TMEM132D: variants seen among roughly 807,000 people sequenced by gnomAD.
TMEM132D encodes transmembrane protein 132D.
TMEM132D carries 21 observed loss-of-function variants against 62.3 expected under a neutral mutation model. The ratio of observed to expected loss-of-function variants is 0.34; its 90% CI spans 0.24 to 0.49. The LOEUF is 0.49. Among genes scored for constraint, TMEM132D ranks in the 20% least tolerant of loss-of-function variants. The pLI, the probability that TMEM132D is intolerant of heterozygous loss-of-function variation, is 0.99. For synonymous variants in TMEM132D, 621 were observed against 575.6 expected (o/e 1.08, Z -1.13); for missense variants, 1,346 against 1,402.8 (o/e 0.96, Z 0.65).
intron 5 of TMEM132D, among the ~76,000 whole-genome samples, chr12:129,114,992 C>T (rs746318875): frequency 5.0e-4 from 76 of 152,106 alleles, no homozygotes; most frequent in Admixed American, 1.7e-3. Flanking sequence ...CCATCCTGTA[C>T]GTATTTTTTG....
chr12:129,580,941 G>T, intron 2 of TMEM132D, among the ~76,000 whole-genome samples: 1 of 152,036 alleles, frequency 6.6e-6, no homozygotes. Flanking sequence ...TTTCTCAATT[G>T]GCATTACTCT....
intron 2 of TMEM132D, among the ~76,000 whole-genome samples, chr12:129,585,578 C>T (rs1878002742): frequency 6.6e-6 from 1 of 152,188 alleles, no homozygotes; most frequent in Non-Finnish European, 1.5e-5. Context: ...CTCAAATGCA[C>T]AAATGACTGG....
chr12:129,382,317 A>T (rs1413634173), intron 3 of TMEM132D, among the ~76,000 whole-genome samples: 1 of 152,194 alleles, frequency 6.6e-6, no homozygotes, highest in East Asian at 1.9e-4. Context: ...CCGTCCATTA[A>T]GTTGACAAGG....
At chr12:129,275,199 G>A (rs1278099290) in intron 4 of TMEM132D, among the ~76,000 whole-genome samples, 1 of 151,946 alleles carries the variant, frequency 6.6e-6, no homozygotes, top group East Asian at 1.9e-4. Flanking sequence ...AGGATCACTT[G>A]AGCCCAAGAG....
chr12:129,446,638 G>A (rs1296629369), intron 3 of TMEM132D, among the ~76,000 whole-genome samples: 1 of 152,200 alleles, frequency 6.6e-6, no homozygotes, highest in East Asian at 1.9e-4. Flanking sequence ...GAGCAGAGAT[G>A]AATGATAAAA....
chr12:129,422,220 T>C (rs1218826718), intron 3 of TMEM132D, among the ~76,000 whole-genome samples: 1 of 151,906 alleles, frequency 6.6e-6, no homozygotes, highest in Non-Finnish European at 1.5e-5. Flanking sequence ...AAAAAAAGAA[T>C]ATCTATACAA....
At chr12:129,646,103 T>C (rs1459633583) in intron 2 of TMEM132D, among the ~76,000 whole-genome samples, 8 of 152,220 alleles carry the variant, frequency 5.3e-5, no homozygotes, top group Non-Finnish European at 1.0e-4. Context: ...CACTTTACTC[T>C]GTTGGCTCGT....
At chr12:129,077,960 ACT>A (rs1270176629) in intron 8 of TMEM132D, among the ~76,000 whole-genome samples, 4 of 152,060 alleles carry the variant, frequency 2.6e-5, no homozygotes, top group Non-Finnish European at 5.9e-5. Flanking sequence ...CACAAAACAC[ACT>A]CTATTAGCTC....
At chr12:129,699,666 T>A in intron 2 of TMEM132D, 144 bp downstream of exon 2, 2 of 976,984 alleles carry the variant, frequency 2.0e-6, no homozygotes, top group East Asian at 5.1e-5. Flanking sequence ...GTCTCTGTAT[T>A]CCACGGTGCA....
At chr12:129,660,633 A>G (rs1422123149) in intron 2 of TMEM132D, among the ~76,000 whole-genome samples, 1 of 152,166 alleles carries the variant, frequency 6.6e-6, no homozygotes. Context: ...TGAAGCCTGC[A>G]TGTAAAAAAC....
intron 5 of TMEM132D, among the ~76,000 whole-genome samples, chr12:129,132,210 A>ATATC (rs954420111): frequency 2.6e-5 from 4 of 152,262 alleles, no homozygotes; most frequent in African/African-American, 9.6e-5. Context: ...AGACTCTGTA[A>ATATC]TATCTATCTA....
At chr12:129,244,256 G>C (rs956808929) in intron 4 of TMEM132D, among the ~76,000 whole-genome samples, 1 of 151,564 alleles carries the variant, frequency 6.6e-6, no homozygotes, top group Non-Finnish European at 1.5e-5. Flanking sequence ...TGTGGTGGCG[G>C]GCGCCTGTAG....
At chr12:129,540,002 T>A (rs2137096877) in intron 2 of TMEM132D, among the ~76,000 whole-genome samples, 1 of 152,270 alleles carries the variant, frequency 6.6e-6, no homozygotes, top group East Asian at 1.9e-4. Flanking sequence ...GGGGACCTCC[T>A]GTCTCTCCTG....
intron 1 of TMEM132D, among the ~76,000 whole-genome samples, chr12:129,872,465 C>T (rs1027162741): frequency 7.2e-5 from 11 of 152,226 alleles, no homozygotes; most frequent in Non-Finnish European, 1.5e-4. Context: ...ATCTCCTCAG[C>T]ATTCACTGTT....
At chr12:129,573,460 G>A (rs1380248361) in intron 2 of TMEM132D, among the ~76,000 whole-genome samples, 3 of 152,148 alleles carry the variant, frequency 2.0e-5, no homozygotes, top group Non-Finnish European at 2.9e-5. Flanking sequence ...CAGGGTGACC[G>A]AGGGAGGTCA....
chr12:129,489,261 C>T (rs1874685327), intron 3 of TMEM132D, among the ~76,000 whole-genome samples: 1 of 152,140 alleles, frequency 6.6e-6, no homozygotes, highest in South Asian at 2.1e-4. Context: ...AATATTGGGT[C>T]ATTCTCCACC....
At chr12:129,482,272 C>T (rs1566083994) in intron 3 of TMEM132D, among the ~76,000 whole-genome samples, 2 of 152,256 alleles carry the variant, frequency 1.3e-5, no homozygotes, top group South Asian at 2.1e-4. Flanking sequence ...GAATGTCCCT[C>T]GGTTGAGGAA....
chr12:129,238,094 T>C (rs1266177617), intron 4 of TMEM132D, among the ~76,000 whole-genome samples: 1 of 152,114 alleles, frequency 6.6e-6, no homozygotes, highest in African/African-American at 2.4e-5. Flanking sequence ...ATCAAATCTG[T>C]CTCTTCCCCT....
chr12:129,106,323 G>A (rs955927024), intron 5 of TMEM132D, among the ~76,000 whole-genome samples: 1 of 150,438 alleles, frequency 6.6e-6, no homozygotes, highest in Non-Finnish European at 1.5e-5. Flanking sequence ...GCTAGATGAC[G>A]AGTTAGTGGG....
Sources: gnomAD v4.1 joint callset for allele counts (sites outside exome capture counted in the v4.1 genomes callset) on GRCh38, gnomAD v4.1.1 for gene constraint, MANE v1.5 for transcripts, NCBI Gene and HGNC (gene_info 2026-07-23, HGNC 2026-07-21) for gene names.